The following INPP5K variants were observed in gnomAD, a reference collection of about 807,000 sequenced individuals.
INPP5K encodes inositol polyphosphate-5-phosphatase K.
Under a neutral mutation model 53.5 loss-of-function variants are expected in INPP5K, and 35 were observed. That is an observed-to-expected ratio of 0.65 (90% CI 0.50 to 0.87). INPP5K has a LOEUF of 0.87. Among genes scored for constraint, INPP5K ranks in the 40% least tolerant of loss-of-function variants. The pLI is 0.00. For synonymous variants in INPP5K, 253 were observed against 232.8 expected (o/e 1.09, Z -0.79); for missense variants, 550 against 586.2 (o/e 0.94, Z 0.64).
At chr17:1,510,818 G>A (rs1358221872) in intron 3 of INPP5K, among the ~76,000 whole-genome samples, 1 of 151,880 alleles carries the variant, frequency 6.6e-6, no homozygotes, top group African/African-American at 2.4e-5. Flanking sequence ...TAGAGACAGG[G>A]TCTTGCCATA....
chr17:1,506,838 G>T (rs1198052182), intron 7 of INPP5K, 142 bp downstream of exon 7: 1 of 615,654 alleles, frequency 1.6e-6, no homozygotes, highest in African/African-American at 1.9e-5. Flanking sequence ...TCATGAAGTG[G>T]ACAGGAGGTG....
At chr17:1,501,856 A>C (rs1052320246) in intron 7 of INPP5K, among the ~76,000 whole-genome samples, 7 of 138,650 alleles carry the variant, frequency 5.0e-5, no homozygotes, top group African/African-American at 1.7e-4. Flanking sequence ...GTCTCTACTA[A>C]AAACACACAC....
rs895532912 is a variant in INPP5K at position 1,508,165 on chromosome 17, G to T, written c.616C>A (p.Arg206=). 6.2e-7 allele frequency: 1 copy of T among 1,613,936 alleles called. No homozygotes were observed. Among genetic ancestry groups the T allele is most frequent in the Non-Finnish European group, 8.5e-7 (1 of 1,180,000 alleles). ...TAGCACCGATTTTTAATGGATTCCC[G>T]AACAAAGTGCAACCCAAAGTCCTCG... ...RIEDFGLHFV[R]ESIKNRCYGG... The change falls in exon 6 of 12, where the codon CGG becomes AGG. Residue 206 remains arginine (R), a synonymous_variant. Transcript: ENST00000421807.
chr17:1,507,163 G>T, intron 6 of INPP5K, 74 bp from the exon 7 acceptor site: 3 of 1,100,040 alleles, frequency 2.7e-6, no homozygotes, highest in Non-Finnish European at 2.8e-6. Flanking sequence ...CCATTCAAGG[G>T]ATCAGCACAT....
In INPP5K at chr17:1,508,098, C is replaced by G. The variant is rs1344149691; in HGVS notation, c.666+17G>C. ...TGGGCTCAGATCACCCCCTGGGACC[C>G]TCCCCTCACTGGATACCTGGTCCTT... On this transcript the variant is annotated intron_variant, in intron 6 of 11. Transcript: ENST00000421807. 1 of 1,569,930 alleles carries G rather than the reference C, an allele frequency of 6.4e-7. No individual in the cohort carries two copies. Among genetic ancestry groups the G allele is most frequent in the Admixed American group, 1.7e-5 (1 of 59,986 alleles).
At chr17:1,508,427 A>G in intron 5 of INPP5K, 1 of 569,970 alleles carries the variant, frequency 1.8e-6, no homozygotes, top group South Asian at 2.0e-5. Context: ...GAGACCTACC[A>G]AAGAGCCTGC....
At chr17:1,501,957 C>G (rs991204244) in intron 7 of INPP5K, among the ~76,000 whole-genome samples, 1 of 151,390 alleles carries the variant, frequency 6.6e-6, no homozygotes, top group African/African-American at 2.4e-5. Flanking sequence ...ATCGCTTGAA[C>G]CTGGGAAGCG....
intron 3 of INPP5K, among the ~76,000 whole-genome samples, chr17:1,510,033 G>A (rs528003734): frequency 1.3e-3 from 202 of 152,364 alleles, no homozygotes; most frequent in Non-Finnish European, 2.4e-3. Context: ...TAGGCGTGCG[G>A]GTGGCGGGAA....
intron 7 of INPP5K, among the ~76,000 whole-genome samples, chr17:1,505,849 C>CA (rs2075142954): frequency 6.6e-6 from 1 of 152,192 alleles, no homozygotes; most frequent in South Asian, 2.1e-4. Flanking sequence ...CAAAGACCCT[C>CA]ATGACATGTA....
At position 1,494,718 on chromosome 17, in the gene INPP5K, T is replaced by A. The variant is rs2074781693; in HGVS notation, c.*1105A>T. 1 of 152,196 alleles carries A rather than the reference T, an allele frequency of 6.6e-6. No homozygotes were observed. The highest frequency in any genetic ancestry group is 1.5e-5 in the Non-Finnish European group (1 of 68,074). 9.4% of individuals were successfully genotyped at this position (152,196 alleles called of 1,614,324 possible). The stretch of plus-strand genomic sequence containing the variant: ...CAACACAGAGCAACTGGAGTAACCC[T>A]CAGTCCCAGGACACAGGATGGCAGG... On this transcript the variant is annotated 3_prime_UTR_variant, in exon 12 of 12. Coordinates refer to ENST00000421807, the MANE Select transcript of INPP5K (RefSeq NM_016532.4).
In INPP5K at chr17:1,516,605, C is replaced by T. The variant is rs2075446741; in HGVS notation, c.-106G>A. On this transcript the variant is annotated 5_prime_UTR_variant, in exon 1 of 12. Transcript: ENST00000421807. ...CGGCCGGTCTCACGCGCCTAGCTGT[C>T]GCGGACTGTTTTTCTTCCGGACTCC... 1 of 1,411,482 alleles carries T rather than the reference C, an allele frequency of 7.1e-7. No individual in the cohort carries two copies. The highest frequency in any genetic ancestry group is 1.5e-5 in the South Asian group (1 of 66,142). The allele number at this position is 1,411,482 out of a possible 1,614,324, so 87.4% of individuals were successfully genotyped here.
At chr17:1,497,792 T>C (rs976343029) in intron 8 of INPP5K, 144 bp downstream of exon 8, 1 of 712,560 alleles carries the variant, frequency 1.4e-6, no homozygotes, top group African/African-American at 1.8e-5. Flanking sequence ...AGCTGGGATA[T>C]CCGACCTGGC....
chr17:1,495,861 T>C lies in INPP5K; in HGVS notation c.1309A>G (p.Arg437Gly), dbSNP rs1327396230. 6.2e-7 allele frequency: 1 copy of C among 1,613,204 alleles called. No individual in the cohort carries two copies. Among genetic ancestry groups the C allele is most frequent in the Non-Finnish European group, 8.5e-7 (1 of 1,179,304 alleles). ...TGTGCTTCACCCAGTGGGTCCTCCC[T>C]CAAGGAGCCAGGCGGGATCTGCAGG... is the stretch of plus-strand genomic sequence containing the variant. ...RPFQIPPGSLREDPLGEAQPQ... is the reference protein window; with the variant it reads ...RPFQIPPGSLGEDPLGEAQPQ... Residue 437 changes from arginine (R) to glycine (G), a missense_variant, in exon 12 of 12, where the codon AGG becomes GGG. By Grantham distance (125) the Arg-to-Gly change is moderately radical. Transcript: ENST00000421807.
At position 1,496,499 on chromosome 17, in the gene INPP5K, G is replaced by A. The variant is rs569000371; in HGVS notation, c.1102-97C>T. ...GGTCTCCCTGCTGGGCCTGGCTACC[G>A]TACTGTGTGCCTCCCCGCCGCCCTT... On this transcript the variant is annotated intron_variant, in intron 9 of 11. Transcript: ENST00000421807. 8.4e-4 allele frequency: 1,109 copies of A among 1,320,140 alleles called. 10 individuals carry two copies. The highest frequency in any genetic ancestry group is 3.7e-3 in the South Asian group (295 of 79,790). The allele number at this position is 1,320,140 out of a possible 1,614,324, so 81.8% of individuals were successfully genotyped here.
intron 3 of INPP5K, 42 bp downstream of exon 3, chr17:1,513,411 G>A (rs775377540): frequency 4.8e-6 from 7 of 1,458,136 alleles, no homozygotes; most frequent in Admixed American, 1.7e-5. Flanking sequence ...CAGTGGAGAT[G>A]TGAAAACACA....
chr17:1,507,280 A>C lies in INPP5K; in HGVS notation c.667-191T>G, dbSNP rs1396042548. On this transcript the variant is annotated intron_variant, in intron 6 of 11. Transcript: ENST00000421807. ...CCAGAAAGCAGGCGAATCCTTTCGGAAACATTACCAAGGCCCAGGGGAGGC... is the reference window on the plus strand; with the variant it reads ...CCAGAAAGCAGGCGAATCCTTTCGGCAACATTACCAAGGCCCAGGGGAGGC... 5 of 572,818 alleles carry C rather than the reference A, an allele frequency of 8.7e-6. No individual in the cohort carries two copies. The Admixed American group carries it at 9.5e-5, about 11-fold the overall frequency. 35.5% of individuals were successfully genotyped at this position (572,818 alleles called of 1,614,324 possible).
At position 1,495,862 on chromosome 17, in the gene INPP5K, C is replaced by G; in HGVS notation, c.1308G>C (p.Leu436Phe). ...GTGCTTCACCCAGTGGGTCCTCCCTCAAGGAGCCAGGCGGGATCTGCAGGG... is the reference window on the plus strand; with the variant it reads ...GTGCTTCACCCAGTGGGTCCTCCCTGAAGGAGCCAGGCGGGATCTGCAGGG... Reference protein sequence around the residue: ...SRPFQIPPGSLREDPLGEAQP... With the variant: ...SRPFQIPPGSFREDPLGEAQP... The change falls in exon 12 of 12, where the codon TTG becomes TTC. Residue 436 changes from leucine to phenylalanine, a missense_variant. Transcript: ENST00000421807. 1 of 1,613,306 alleles carries G rather than the reference C, an allele frequency of 6.2e-7. No individual in the cohort carries two copies. Among genetic ancestry groups the G allele is most frequent in the Non-Finnish European group, 8.5e-7 (1 of 1,179,360 alleles).
At chr17:1,506,761 T>G (rs1355710312) in intron 7 of INPP5K, among the ~76,000 whole-genome samples, 1 of 150,410 alleles carries the variant, frequency 6.6e-6, no homozygotes, top group Non-Finnish European at 1.5e-5. Flanking sequence ...ACACCTCTCC[T>G]GCCCTTGCTG....
At position 1,495,758 on chromosome 17, in the gene INPP5K, G is replaced by A. The variant is rs559113738; in HGVS notation, c.*65C>T. 4.9e-5 allele frequency: 61 copies of A among 1,235,356 alleles called. No homozygotes were observed. The highest frequency in any genetic ancestry group is 2.8e-4 in the East Asian group (12 of 42,358). 76.5% of individuals were successfully genotyped at this position (1,235,356 alleles called of 1,614,324 possible). ...GCCAGGCTGGGCCCCCAGCACTCCC[G>A]GCAGTGGAAAGGCAGAGCTGGCTGC... On this transcript the variant is annotated 3_prime_UTR_variant, in exon 12 of 12. Coordinates refer to ENST00000421807, the MANE Select transcript of INPP5K (RefSeq NM_016532.4).
Sources: gnomAD v4.1 joint callset for allele counts (sites outside exome capture counted in the v4.1 genomes callset) on GRCh38, gnomAD v4.1.1 for gene constraint, MANE v1.5 for transcripts, NCBI Gene and HGNC (gene_info 2026-07-23, HGNC 2026-07-21) for gene names.